MCMDC2: variants seen among roughly 807,000 people sequenced by gnomAD.
MCMDC2 encodes the protein minichromosome maintenance domain-containing protein 2.
In MCMDC2, 54 loss-of-function variants were observed where a neutral mutation model predicts 75.8. The observed-to-expected ratio is 0.71, with a 90% CI of 0.57 to 0.89. The LOEUF (loss-of-function observed/expected upper bound fraction) is 0.89, where lower values mean the gene tolerates loss of function less well. Among genes scored for constraint, MCMDC2 ranks in the 40% least tolerant of loss-of-function variants. The pLI is 0.00. For missense variants in MCMDC2, 656 were observed against 780.4 expected, an observed-to-expected ratio of 0.84 and a Z score of 1.90; for synonymous variants, 249 against 274.6, an observed-to-expected ratio of 0.91 and a Z score of 0.92.
chr8:66,908,101 T>C (rs1345664384), intron 14 of MCMDC2, among the ~76,000 whole-genome samples: 1 of 152,260 alleles, frequency 6.6e-6, no homozygotes, highest in Non-Finnish European at 1.5e-5. Context: ...ATTTTGGCTT[T>C]TGTTGCAATT....
At position 66,890,854 on chromosome 8, in the gene MCMDC2, T is replaced by A; in HGVS notation, c.1074-11T>A. On this transcript the variant is annotated splice_polypyrimidine_tract_variant and intron_variant, in intron 9 of 14. Coordinates refer to ENST00000422365, the MANE Select transcript of MCMDC2 (RefSeq NM_173518.5). Reference sequence around the variant, plus strand: ...AATAATAGTAATGAAAAGTTTATTTTTTTTCCCTAGGCTTCTGAATTTTAG... The same window carrying A: ...AATAATAGTAATGAAAAGTTTATTTATTTTCCCTAGGCTTCTGAATTTTAG... The A allele has an allele frequency of 6.3e-7, 1 of 1,591,530 alleles. No individual in the cohort carries two copies. The highest frequency in any genetic ancestry group is 1.9e-5 in the Admixed American group (1 of 52,950).
downstream of MCMDC2, among the ~76,000 whole-genome samples, chr8:66,923,933 C>T (rs1233480505): frequency 2.0e-5 from 3 of 151,986 alleles, no homozygotes; most frequent in Non-Finnish European, 4.4e-5. Context: ...CACCACCCCC[C>T]TCCCCCACAA....
chr8:66,915,005 G>C (rs1025814161), intron 14 of MCMDC2, among the ~76,000 whole-genome samples: 7 of 151,966 alleles, frequency 4.6e-5, no homozygotes, highest in Non-Finnish European at 1.0e-4. Context: ...AAAAGAGCTG[G>C]GAGAAAAATC....
At chr8:66,885,177 C>CA (rs1811778321) in intron 9 of MCMDC2, among the ~76,000 whole-genome samples, 1 of 151,642 alleles carries the variant, frequency 6.6e-6, no homozygotes. Flanking sequence ...ACTAAAAATA[C>CA]AAAAAATTAG....
downstream of MCMDC2, among the ~76,000 whole-genome samples, chr8:66,925,103 GGGTGGAGCAC>G (rs1813679502): frequency 6.6e-6 from 1 of 152,214 alleles, no homozygotes; most frequent in African/African-American, 2.4e-5. Flanking sequence ...GGCCAAGACC[GGGTGGAGCAC>G]GAAGCCTCCC....
chr8:66,873,002 CG>C (rs1268356324), intron 1 of MCMDC2, among the ~76,000 whole-genome samples: 1 of 146,128 alleles, frequency 6.8e-6, no homozygotes, highest in African/African-American at 2.5e-5. Flanking sequence ...GAATGAATAA[CG>C]TGTTAGTCAT....
intron 14 of MCMDC2, among the ~76,000 whole-genome samples, chr8:66,915,917 A>C (rs917236986): frequency 1.3e-5 from 2 of 152,100 alleles, no homozygotes; most frequent in African/African-American, 4.8e-5. Flanking sequence ...TAAGAATGAG[A>C]GTTTTTCCAG....
intron 9 of MCMDC2, among the ~76,000 whole-genome samples, chr8:66,888,605 A>C (rs1411698926): frequency 6.6e-6 from 1 of 152,184 alleles, no homozygotes; most frequent in Non-Finnish European, 1.5e-5. Context: ...GGTTCTAAAA[A>C]TATTTGATAT....
At chr8:66,888,600 T>A (rs998352789) in intron 9 of MCMDC2, among the ~76,000 whole-genome samples, 2 of 152,256 alleles carry the variant, frequency 1.3e-5, no homozygotes, top group African/African-American at 4.8e-5. Flanking sequence ...AAATTGGTTC[T>A]AAAAATATTT....
In MCMDC2 at chr8:66,896,972, A is replaced by G. The variant is rs552215132; in HGVS notation, c.1626+13A>G. The G allele has an allele frequency of 2.5e-6, 4 of 1,583,890 alleles. No homozygotes were observed. In the African/African-American group the frequency reaches 4.1e-5, roughly 16 times the overall value. On this transcript the variant is annotated intron_variant, in intron 12 of 14. Coordinates refer to ENST00000422365, the MANE Select transcript of MCMDC2 (RefSeq NM_173518.5). The stretch of plus-strand genomic sequence containing the variant: ...AGATTTTGAAAAGGTAAAGGTGGAT[A>G]AAACGGTTACCCAGAATGCCTGTGC...
intron 4 of MCMDC2, among the ~76,000 whole-genome samples, chr8:66,874,943 A>T (rs541732599): frequency 6.6e-6 from 1 of 152,138 alleles, no homozygotes; most frequent in South Asian, 2.1e-4. Flanking sequence ...TTTAGTAGAG[A>T]CAGGGTTTCA....
At position 66,910,159 on chromosome 8, in the gene MCMDC2, T is replaced by C. The variant is rs1313289857; in HGVS notation, c.1879+4824T>C. On this transcript the variant is annotated intron_variant, in intron 14 of 14. Coordinates refer to ENST00000422365, the MANE Select transcript of MCMDC2 (RefSeq NM_173518.5). ...AAGTGTGGAAATGTGTGGATATCCC[T>C]GCAGAAGTTTGCTGCAGGGATGTAG... Among the ~76,000 whole-genome samples the C allele has an allele frequency of 2.0e-5, 3 of 152,226 alleles. No homozygotes were observed. The South Asian group carries it at 6.2e-4, about 31-fold the overall frequency.
At chr8:66,915,345 G>A (rs943371014) in intron 14 of MCMDC2, among the ~76,000 whole-genome samples, 3 of 151,578 alleles carry the variant, frequency 2.0e-5, no homozygotes, top group East Asian at 1.9e-4. Flanking sequence ...CCAACTACTC[G>A]GGAGCCTGAG....
downstream of MCMDC2, among the ~76,000 whole-genome samples, chr8:66,923,041 G>C (rs981826441): frequency 5.9e-5 from 9 of 152,166 alleles, no homozygotes; most frequent in African/African-American, 1.9e-4. Flanking sequence ...CAGGAAAATG[G>C]TGGAAACATT....
At chr8:66,900,674 C>CA (rs140919176) in intron 12 of MCMDC2, among the ~76,000 whole-genome samples, 4,876 of 151,522 alleles carry the variant, frequency 0.032, 130 homozygotes, top group Non-Finnish European at 0.05. Flanking sequence ...GCACAAAACT[C>CA]AAAAAAAACA....
Position 66,884,008 on chromosome 8 carries a change from A to T in MCMDC2, c.1073+14A>T, listed in dbSNP as rs1323487851. On this transcript the variant is annotated intron_variant, in intron 9 of 14. Transcript: ENST00000422365. ...ACTCATAGACAGGTATATATGTGACATGAATTTTTACAAATATTAATTGGT... is the reference window on the plus strand; with the variant it reads ...ACTCATAGACAGGTATATATGTGACTTGAATTTTTACAAATATTAATTGGT... The T allele has an allele frequency of 1.3e-6, 2 of 1,522,812 alleles. No homozygotes were observed. Among genetic ancestry groups the T allele is most frequent in the Admixed American group, 3.4e-5 (2 of 59,470 alleles). 94.3% of individuals were successfully genotyped at this position (1,522,812 alleles called of 1,614,324 possible). A position where few individuals can be genotyped will look rare whatever the true frequency, so the allele number is the denominator to read the frequency against.
intron 14 of MCMDC2, among the ~76,000 whole-genome samples, chr8:66,909,287 T>C (rs1463119015): frequency 6.6e-6 from 1 of 152,248 alleles, no homozygotes; most frequent in African/African-American, 2.4e-5. Context: ...CAGGCAGTTC[T>C]TTATAGCAGT....
intron 12 of MCMDC2, among the ~76,000 whole-genome samples, chr8:66,900,496 TGTAG>T (rs986363682): frequency 6.6e-6 from 1 of 151,664 alleles, no homozygotes; most frequent in African/African-American, 2.4e-5. Context: ...TTTCTCCAGG[TGTAG>T]GTAGTGTCAG....
chr8:66,902,711 A>AAAAAAAT (rs1467425752), intron 13 of MCMDC2, among the ~76,000 whole-genome samples: 15 of 67,924 alleles, frequency 2.2e-4, no homozygotes, highest in South Asian at 4.7e-4. Flanking sequence ...AAAAAAAAAA[A>AAAAAAAT]ATATATATAT....
Sources: gnomAD v4.1 joint callset for allele counts (sites outside exome capture counted in the v4.1 genomes callset) on GRCh38, gnomAD v4.1.1 for gene constraint, MANE v1.5 for transcripts, NCBI Gene and HGNC (gene_info 2026-07-23, HGNC 2026-07-21) for gene names.